Variants in TTC17 observed in about 807,000 individuals in gnomAD.
TTC17 encodes the protein tetratricopeptide repeat protein 17.
In TTC17, 58 loss-of-function variants were observed where a neutral mutation model predicts 143.8. The ratio of observed to expected loss-of-function variants is 0.40; its 90% CI spans 0.33 to 0.50. The LOEUF is 0.50. Among genes scored for constraint, TTC17 ranks in the 20% least tolerant of loss-of-function variants. The probability of loss-of-function intolerance (pLI) is 0.49; values close to 1 mark genes in which losing one functional copy is unlikely to be tolerated. For missense variants in TTC17, 1,273 were observed against 1,392.5 expected (o/e 0.91, Z 1.37); for synonymous variants, 501 against 497.8 (o/e 1.01, Z -0.09).
chr11:43,397,591 T>G (rs1857654789), intron 7 of TTC17, 100 bp downstream of exon 7: 4 of 1,331,030 alleles, frequency 3.0e-6, no homozygotes, highest in Non-Finnish European at 4.0e-6. Flanking sequence ...TTCCATTCCT[T>G]TTTTGGTCTG....
intron 16 of TTC17, among the ~76,000 whole-genome samples, chr11:43,420,436 G>A (rs1946875362): frequency 6.6e-6 from 1 of 152,180 alleles, no homozygotes; most frequent in African/African-American, 2.4e-5. Flanking sequence ...ATTATAGGGT[G>A]CAGTCATAAT....
At position 43,443,469 on chromosome 11, in the gene TTC17, G is replaced by T; in HGVS notation, c.2396G>T (p.Gly799Val). Residue 799 changes from glycine (G) to valine (V), a missense_variant, in exon 17 of 24, where the codon GGG becomes GTG. Physicochemically the swap from Gly to Val is moderately radical, Grantham distance 109. Transcript: ENST00000039989. ...EGFGGALEMK[G>V]RRLDLQGIRV... Reference sequence around the variant, plus strand: ...TTTGGGGGTGCACTAGAGATGAAAGGGCGGCGTCTAGACTTACAAGGAATA... The same window carrying T: ...TTTGGGGGTGCACTAGAGATGAAAGTGCGGCGTCTAGACTTACAAGGAATA... 6.2e-7 allele frequency: 1 copy of T among 1,614,150 alleles called. No individual in the cohort carries two copies. The highest frequency in any genetic ancestry group is 8.5e-7 in the Non-Finnish European group (1 of 1,180,014).
In TTC17 at chr11:43,408,217, A is replaced by C. The variant is rs1364603272; in HGVS notation, c.2064+640A>C. ...AAATATACAATTAAATTGATTTTAT[A>C]CCTAATGTCTAAATGTTTATAGGTT... is the stretch of plus-strand genomic sequence containing the variant. On this transcript the variant is annotated intron_variant, in intron 15 of 23. Transcript: ENST00000039989. Among the ~76,000 whole-genome samples the C allele has an allele frequency of 2.0e-5, 3 of 152,344 alleles. No individual in the cohort carries two copies. In the East Asian group the frequency reaches 5.8e-4, roughly 29 times the overall value.
intron 2 of TTC17, among the ~76,000 whole-genome samples, chr11:43,381,149 G>T (rs951609318): frequency 2.0e-5 from 3 of 152,104 alleles, no homozygotes; most frequent in Non-Finnish European, 4.4e-5. Flanking sequence ...TTTGGTTAAG[G>T]TAGTGTAGGA....
chr11:43,375,844 T>A (rs1856746067), intron 1 of TTC17, among the ~76,000 whole-genome samples: 1 of 152,216 alleles, frequency 6.6e-6, no homozygotes, highest in South Asian at 2.1e-4. Flanking sequence ...TCACCCTTAA[T>A]CTGATTTGGC....
At chr11:43,364,719 G>C (rs543885868) in intron 1 of TTC17, among the ~76,000 whole-genome samples, 2 of 152,178 alleles carry the variant, frequency 1.3e-5, no homozygotes, top group South Asian at 4.1e-4. Context: ...TGTTTATGCT[G>C]TAGGGCAGTG....
chr11:43,458,567 A>G (rs1448928157), intron 21 of TTC17, among the ~76,000 whole-genome samples: 1 of 152,154 alleles, frequency 6.6e-6, no homozygotes, highest in Non-Finnish European at 1.5e-5. Context: ...ATAGAATTTT[A>G]GGGCATCTCT....
chr11:43,467,146 A>G (rs370180372), intron 21 of TTC17, among the ~76,000 whole-genome samples: 2 of 152,242 alleles, frequency 1.3e-5, no homozygotes, highest in Non-Finnish European at 2.9e-5. Flanking sequence ...TTGAATTACT[A>G]TATGATTCAG....
chr11:43,463,204 G>A (rs75616994), intron 21 of TTC17, among the ~76,000 whole-genome samples: 5,746 of 152,020 alleles, frequency 0.038, 125 homozygotes, highest in Middle Eastern at 0.051. Context: ...GTAAGCCACC[G>A]TGCCCGGCCC....
intron 16 of TTC17, among the ~76,000 whole-genome samples, chr11:43,433,973 A>C (rs748811380): frequency 2.8e-4 from 43 of 152,110 alleles, no homozygotes; most frequent in Non-Finnish European, 5.7e-4. Context: ...GGGTGTGCAG[A>C]GTTGGTTGAT....
chr11:43,470,878 G>T (rs946379561), intron 21 of TTC17, among the ~76,000 whole-genome samples: 2 of 152,166 alleles, frequency 1.3e-5, no homozygotes, highest in African/African-American at 4.8e-5. Context: ...TTATTCAATG[G>T]CAGTGATAAC....
chr11:43,450,321 G>T, intron 20 of TTC17, 80 bp downstream of exon 20: 2 of 1,434,348 alleles, frequency 1.4e-6, no homozygotes, highest in East Asian at 2.6e-5. Flanking sequence ...AAGCCCAGGT[G>T]ACCGGGCCTT....
At chr11:43,463,104 CG>C (rs1270390647) in intron 21 of TTC17, among the ~76,000 whole-genome samples, 1 of 151,654 alleles carries the variant, frequency 6.6e-6, no homozygotes, top group East Asian at 1.9e-4. Context: ...TTAATAGAGA[CG>C]GGGTTTCACC....
intron 21 of TTC17, among the ~76,000 whole-genome samples, chr11:43,489,130 A>G (rs1353483971): frequency 6.6e-6 from 1 of 152,230 alleles, no homozygotes; most frequent in Non-Finnish European, 1.5e-5. Context: ...ACAGACTTCA[A>G]ACTCGGGAAG....
intron 12 of TTC17, 49 bp downstream of exon 12, chr11:43,405,678 T>C (rs1858087854): frequency 1.2e-6 from 2 of 1,611,244 alleles, no homozygotes; most frequent in Non-Finnish European, 8.5e-7. Flanking sequence ...ATGATTGTCA[T>C]CTAGCGGTTC....
At position 43,397,504 on chromosome 11, in the gene TTC17, CTT is replaced by C. The variant is rs145729116; in HGVS notation, c.918+15_918+16del. ...GAATATATATGCAGTAAGTACTACT[CTT>C]TGTTTCATGAGTCATGCTAGTTGCC... On this transcript the variant is annotated intron_variant, in intron 7 of 23. Coordinates refer to ENST00000039989, the MANE Select transcript of TTC17 (RefSeq NM_018259.6). 1,771 of 1,559,866 alleles carry C rather than the reference CTT, an allele frequency of 1.1e-3. 18 individuals are homozygous for C. In the African/African-American group the frequency reaches 0.022, roughly 19 times the overall value.
At chr11:43,445,544 A>T (rs925430157) in intron 18 of TTC17, among the ~76,000 whole-genome samples, 1 of 152,252 alleles carries the variant, frequency 6.6e-6, no homozygotes, top group African/African-American at 2.4e-5. Flanking sequence ...AATTTATTAT[A>T]AAAGTGAAAA....
At position 43,429,298 on chromosome 11, in the gene TTC17, G is replaced by C. The variant is rs572358811; in HGVS notation, c.2252-14027G>C. ...GATTTGCCCAAGTTTGTACAGTAAG[G>C]CTGCAGCCAAGGCAGGATTTGAATT... On this transcript the variant is annotated intron_variant, in intron 16 of 23. Transcript: ENST00000039989. Among the ~76,000 whole-genome samples the C allele has an allele frequency of 6.8e-4, 103 of 152,314 alleles. No individual in the cohort carries two copies. The South Asian group carries it at 0.014, about 21-fold the overall frequency.
chr11:43,471,657 T>C (rs866108451), intron 21 of TTC17, among the ~76,000 whole-genome samples: 10 of 152,232 alleles, frequency 6.6e-5, no homozygotes, highest in South Asian at 2.1e-4. Context: ...TGAGATCAAC[T>C]TCCCATGAGT....
Sources: gnomAD v4.1 joint callset for allele counts (sites outside exome capture counted in the v4.1 genomes callset) on GRCh38, gnomAD v4.1.1 for gene constraint, MANE v1.5 for transcripts, NCBI Gene and HGNC (gene_info 2026-07-23, HGNC 2026-07-21) for gene names.